The following SH3PXD2A variants were observed in gnomAD, a reference collection of about 807,000 sequenced individuals.
The protein encoded by SH3PXD2A is SH3 and PX domain-containing protein 2A.
SH3PXD2A carries 32 observed loss-of-function variants against 115.2 expected under a neutral mutation model. The observed-to-expected ratio is 0.28, with a 90% confidence interval of 0.21 to 0.37. The LOEUF is 0.37. Ranked by LOEUF, SH3PXD2A falls within the 10% of genes least tolerant of loss-of-function variation. SH3PXD2A has a pLI of 1.00. For missense variants in SH3PXD2A, 1,328 were observed against 1,498.7 expected, an observed-to-expected ratio of 0.89 and a Z score of 1.88; for synonymous variants, 610 against 629.1, an observed-to-expected ratio of 0.97 and a Z score of 0.45.
chr10:103,732,350 C>T (rs939374269), intron 4 of SH3PXD2A, among the ~76,000 whole-genome samples: 6 of 152,190 alleles, frequency 3.9e-5, no homozygotes, highest in South Asian at 2.1e-4. Context: ...TGCATTACCA[C>T]GTTTCCGTTT....
chr10:103,693,098 G>T (rs1394559214), intron 5 of SH3PXD2A, 42 bp from the exon 6 acceptor site: 9 of 1,600,300 alleles, frequency 5.6e-6, no homozygotes, highest in Non-Finnish European at 7.7e-6. Flanking sequence ...TTAGGGCCGG[G>T]CGCGAGCGCG....
intron 8 of SH3PXD2A, among the ~76,000 whole-genome samples, chr10:103,656,390 A>G (rs952850820): frequency 1.3e-5 from 2 of 152,268 alleles, no homozygotes; most frequent in African/African-American, 4.8e-5. Flanking sequence ...CCAGAGGTCA[A>G]ACTCAGTTGT....
intron 1 of SH3PXD2A, among the ~76,000 whole-genome samples, chr10:103,852,980 T>A (rs1244856908): frequency 1.4e-4 from 21 of 152,194 alleles, no homozygotes; most frequent in Admixed American, 1.3e-3. Context: ...TTGAGCCAGA[T>A]GAGTCTTCGG....
chr10:103,603,116 CAGCAAGTGGTGTT>C lies in SH3PXD2A; in HGVS notation c.2089_2101del (p.Asn697AlafsTer18). 1 of 1,613,110 alleles carries C rather than the reference CAGCAAGTGGTGTT, an allele frequency of 6.2e-7. No homozygotes were observed. The highest frequency in any genetic ancestry group is 8.5e-7 in the Non-Finnish European group (1 of 1,179,934). On this transcript the variant is annotated frameshift_variant, in exon 15 of 15. Coordinates refer to ENST00000369774, the MANE Select transcript of SH3PXD2A (RefSeq NM_001394015.1). LOFTEE classifies it high-confidence loss of function. ...AGAGGAGGAGGAGGAAGAGGAGGAG[CAGCAAGTGGTGTT>C]GATGGTGATGGATGAGGAAAAGGAG... is the stretch of plus-strand genomic sequence containing the variant.
intron 6 of SH3PXD2A, among the ~76,000 whole-genome samples, chr10:103,680,759 A>T (rs1263439342): frequency 6.6e-6 from 1 of 152,192 alleles, no homozygotes; most frequent in Non-Finnish European, 1.5e-5. Flanking sequence ...GAAAAGCATG[A>T]TTTTCCTGTA....
chr10:103,670,374 A>G (rs1468115303), intron 6 of SH3PXD2A, among the ~76,000 whole-genome samples: 1 of 152,244 alleles, frequency 6.6e-6, no homozygotes. Context: ...TGAGAATTAA[A>G]TTAGATAATA....
chr10:103,794,468 C>T (rs2039067754), intron 2 of SH3PXD2A, among the ~76,000 whole-genome samples: 2 of 152,230 alleles, frequency 1.3e-5, no homozygotes, highest in Admixed American at 1.3e-4. Context: ...TGTGAAACAA[C>T]CGTCCATGGA....
chr10:103,850,940 A>C (rs769081600), intron 1 of SH3PXD2A, among the ~76,000 whole-genome samples: 1 of 152,168 alleles, frequency 6.6e-6, no homozygotes, highest in Non-Finnish European at 1.5e-5. Flanking sequence ...ACTTCCCAAG[A>C]GCCCTGTGAA....
At chr10:103,697,618 A>G (rs565079766) in intron 5 of SH3PXD2A, among the ~76,000 whole-genome samples, 102 of 152,322 alleles carry the variant, frequency 6.7e-4, no homozygotes, top group African/African-American at 2.3e-3. Context: ...CTATTAGGAC[A>G]CATTTAACCT....
chr10:103,767,061 C>A, intron 3 of SH3PXD2A, 33 bp downstream of exon 3: 1 of 1,553,990 alleles, frequency 6.4e-7, no homozygotes. Context: ...CCCGGGTATC[C>A]CCCATCCCTG....
chr10:103,727,416 G>A (rs904941707), intron 4 of SH3PXD2A, among the ~76,000 whole-genome samples: 2 of 152,196 alleles, frequency 1.3e-5, no homozygotes, highest in African/African-American at 4.8e-5. Flanking sequence ...GGAGGACAGG[G>A]GGCCCCAGGA....
rs189362569 is a variant in SH3PXD2A, at chr10:103,595,323, A to C, written c.*6493T>G. On this transcript the variant is annotated 3_prime_UTR_variant, in exon 15 of 15. Coordinates refer to ENST00000369774, the MANE Select transcript of SH3PXD2A (RefSeq NM_001394015.1). ...CTTTCTACCTGCTCTCTTCTTCCTG[A>C]AACACTCAGAGCTGACTTCTTCCTT... 6.6e-6 allele frequency: 1 copy of C among 152,290 alleles called. No homozygotes were observed. Among genetic ancestry groups the C allele is most frequent in the East Asian group, 1.9e-4 (1 of 5,180 alleles). 9.4% of individuals were successfully genotyped at this position (152,290 alleles called of 1,614,324 possible). A position where few individuals can be genotyped will look rare whatever the true frequency, so the allele number is the denominator to read the frequency against.
intron 13 of SH3PXD2A, among the ~76,000 whole-genome samples, chr10:103,610,444 T>C (rs1424986318): frequency 6.6e-6 from 1 of 152,210 alleles, no homozygotes; most frequent in African/African-American, 2.4e-5. Context: ...GAATTCAGTG[T>C]TTGGGTGTGT....
intron 6 of SH3PXD2A, among the ~76,000 whole-genome samples, chr10:103,672,629 CTG>C (rs1205576214): frequency 6.6e-6 from 1 of 152,228 alleles, no homozygotes; most frequent in Non-Finnish European, 1.5e-5. Flanking sequence ...CTCGCTGACT[CTG>C]GGATAGCTAG....
At chr10:103,722,648 TTCTC>T (rs1399010381) in intron 5 of SH3PXD2A, among the ~76,000 whole-genome samples, 1 of 151,742 alleles carries the variant, frequency 6.6e-6, no homozygotes, top group Non-Finnish European at 1.5e-5. Flanking sequence ...TCATCCCTGT[TTCTC>T]TCTAAATGTA....
At position 103,630,141 on chromosome 10, in the gene SH3PXD2A, G is replaced by A. The variant is rs749937022; in HGVS notation, c.605-2939C>T. Among the ~76,000 whole-genome samples the A allele has an allele frequency of 5.3e-4, 81 of 152,372 alleles. 1 individual carries two copies. Among genetic ancestry groups the A allele is most frequent in the South Asian group, 1.0e-3 (5 of 4,832 alleles). ...GAGCAGCACCACCATCCTCCCTGAT[G>A]CCCAGGCCACCATGGTTTGGTTGCT... On this transcript the variant is annotated intron_variant, in intron 8 of 14. Transcript: ENST00000369774.
intron 8 of SH3PXD2A, among the ~76,000 whole-genome samples, chr10:103,646,833 C>T (rs186229692): frequency 7.3e-4 from 111 of 152,272 alleles, no homozygotes; most frequent in African/African-American, 2.4e-3. Flanking sequence ...TGGTTTTCTC[C>T]GCTCTGAATA....
rs1223340933 is a variant in SH3PXD2A at position 103,620,282 on chromosome 10, A to C, written c.802+2188T>G. 6.6e-6 allele frequency among the ~76,000 whole-genome samples: 1 copy of C among 152,168 alleles called. No homozygotes were observed. Among genetic ancestry groups the C allele is most frequent in the African/African-American group, 2.4e-5 (1 of 41,442 alleles). ...GACCACGCCACCAGGAGACGGTGGC[A>C]GCCTGCCCTGGGGAGGGCTGGCCAG... On this transcript the variant is annotated intron_variant, in intron 10 of 14. Transcript: ENST00000369774. The surrounding 1 kb of genome is among the most constrained non-coding windows in gnomAD (Gnocchi z 5.3).
intron 4 of SH3PXD2A, among the ~76,000 whole-genome samples, chr10:103,735,064 G>C (rs1336169429): frequency 6.6e-6 from 1 of 152,216 alleles, no homozygotes; most frequent in Non-Finnish European, 1.5e-5. Flanking sequence ...TGGCCCTCCA[G>C]AGGCCATGTG....
Sources: allele counts gnomAD v4.1 joint callset (sites outside exome capture counted in the v4.1 genomes callset), GRCh38; gene constraint gnomAD v4.1.1; non-coding constraint Gnocchi (gnomAD v3.1); transcripts MANE v1.5; gene names NCBI Gene and HGNC (gene_info 2026-07-23, HGNC 2026-07-21).